KCNH8: variants seen among roughly 807,000 people sequenced by gnomAD.
KCNH8 encodes the protein potassium voltage-gated channel subfamily H member 8.
In KCNH8, 70 loss-of-function variants were observed where a neutral mutation model predicts 103.6. The ratio of observed to expected loss-of-function variants is 0.68; its 90% CI spans 0.56 to 0.82. The LOEUF (loss-of-function observed/expected upper bound fraction) is 0.82, where lower values mean the gene tolerates loss of function less well. Among genes scored for constraint, KCNH8 ranks in the 40% least tolerant of loss-of-function variants. KCNH8 has a pLI of 0.00. For missense variants in KCNH8, 1,217 were observed against 1,329.9 expected, an observed-to-expected ratio of 0.92 and a Z score of 1.32; for synonymous variants, 498 against 489.4, an observed-to-expected ratio of 1.02 and a Z score of -0.23.
chr3:19,257,941 G>A (rs2064367404), intron 2 of KCNH8, among the ~76,000 whole-genome samples: 1 of 151,924 alleles, frequency 6.6e-6, no homozygotes, highest in Non-Finnish European at 1.5e-5. Flanking sequence ...GAAACCTTTG[G>A]TGATCCTTGG....
chr3:19,263,422 T>C (rs1051087497), intron 2 of KCNH8, among the ~76,000 whole-genome samples: 12 of 152,218 alleles, frequency 7.9e-5, no homozygotes, highest in African/African-American at 2.6e-4. Context: ...GACTAATTCT[T>C]CTTCCATGTG....
At chr3:19,492,164 A>G (rs1436785386) in intron 11 of KCNH8, among the ~76,000 whole-genome samples, 1 of 152,044 alleles carries the variant, frequency 6.6e-6, no homozygotes, top group Non-Finnish European at 1.5e-5. Flanking sequence ...GTTATGCAGA[A>G]GCTCTTTAGT....
intron 11 of KCNH8, among the ~76,000 whole-genome samples, chr3:19,496,834 G>A (rs1310975024): frequency 6.6e-6 from 1 of 151,938 alleles, no homozygotes; most frequent in Non-Finnish European, 1.5e-5. Flanking sequence ...ACCTGTTTTT[G>A]GTTGGTTGGC....
At chr3:19,505,089 A>G (rs958965538) in intron 11 of KCNH8, among the ~76,000 whole-genome samples, 148 of 151,502 alleles carry the variant, frequency 9.8e-4, no homozygotes, top group African/African-American at 3.4e-3. Context: ...ATAGATACAC[A>G]CACACACACA....
chr3:19,329,646 A>G (rs879135053), intron 3 of KCNH8, among the ~76,000 whole-genome samples: 26 of 152,138 alleles, frequency 1.7e-4, no homozygotes, highest in African/African-American at 5.8e-4. Flanking sequence ...CCGATCTACA[A>G]CTGGAAGATA....
intron 1 of KCNH8, among the ~76,000 whole-genome samples, chr3:19,153,028 C>G (rs965250159): frequency 2.0e-5 from 3 of 151,600 alleles, no homozygotes; most frequent in Non-Finnish European, 4.4e-5. Flanking sequence ...TTCTTTTTAT[C>G]TTTTTGCTTT....
chr3:19,304,186 C>T (rs1403037462), intron 3 of KCNH8, among the ~76,000 whole-genome samples: 1 of 152,090 alleles, frequency 6.6e-6, no homozygotes, highest in Non-Finnish European at 1.5e-5. Context: ...CTGGACAGCC[C>T]ATGAGAAAAA....
intron 15 of KCNH8, among the ~76,000 whole-genome samples, chr3:19,523,469 TAAATTATACTGAGGTAAC>T (rs2069007847): frequency 1.3e-5 from 2 of 152,096 alleles, no homozygotes; most frequent in African/African-American, 4.8e-5. Flanking sequence ...TGTTATAAGA[TAAATTATACTGAGGTAAC>T]AAACTCCAAA....
intron 1 of KCNH8, among the ~76,000 whole-genome samples, chr3:19,183,213 A>G (rs1452127823): frequency 1.3e-5 from 2 of 152,210 alleles, no homozygotes; most frequent in East Asian, 3.8e-4. Context: ...AGGAAATGAG[A>G]TATGTAATTA....
At chr3:19,519,324 G>A (rs956955256) in intron 15 of KCNH8, among the ~76,000 whole-genome samples, 2 of 151,826 alleles carry the variant, frequency 1.3e-5, no homozygotes, top group Admixed American at 1.3e-4. Flanking sequence ...GTAATCACGT[G>A]ATGGTATTGA....
At chr3:19,332,776 G>C (rs1475873183) in intron 3 of KCNH8, among the ~76,000 whole-genome samples, 1 of 151,998 alleles carries the variant, frequency 6.6e-6, no homozygotes, top group Non-Finnish European at 1.5e-5. Flanking sequence ...GGGATTACAG[G>C]TGCACGCCAC....
Position 19,342,693 on chromosome 3 carries a change from G to C in KCNH8, c.549G>C (p.Lys183Asn), listed in dbSNP as rs139868334. 72 of 1,608,680 alleles carry C rather than the reference G, an allele frequency of 4.5e-5. No homozygotes were observed. The highest frequency in any genetic ancestry group is 6.0e-5 in the Non-Finnish European group (71 of 1,176,422). The change falls in exon 4 of 16, where the codon AAG (lysine) becomes AAC (asparagine). Residue 183 changes from lysine to asparagine, a missense_variant. This residue lies in a region of KCNH8 where 244 missense variants were observed against 256.8 expected (regional missense o/e 0.95). Coordinates refer to ENST00000328405, the MANE Select transcript of KCNH8 (RefSeq NM_144633.3). ...HISGHLQRREKNKLKINNNVF... is the reference protein window; with the variant it reads ...HISGHLQRRENNKLKINNNVF... ...CTGGGCACCTGCAAAGAAGAGAAAA[G>C]AACAAATTGAAAATAAATAACGTAG...
intron 7 of KCNH8, among the ~76,000 whole-genome samples, chr3:19,422,177 G>A (rs1463418546): frequency 2.0e-5 from 3 of 152,020 alleles, no homozygotes; most frequent in Non-Finnish European, 4.4e-5. Flanking sequence ...ATATGATACT[G>A]ATGTCTTGCA....
At chr3:19,237,021 G>A (rs962707175) in intron 1 of KCNH8, among the ~76,000 whole-genome samples, 1 of 152,188 alleles carries the variant, frequency 6.6e-6, no homozygotes, top group Non-Finnish European at 1.5e-5. Flanking sequence ...ATGAGATTGT[G>A]GGAGGTAAAT....
Position 19,305,215 on chromosome 3 carries a change from G to A in KCNH8, c.442+23886G>A, listed in dbSNP as rs2125292472. 3.3e-5 allele frequency among the ~76,000 whole-genome samples: 5 copies of A among 152,192 alleles called. 1 individual carries two copies. In the South Asian group the frequency reaches 1.0e-3, roughly 32 times the overall value. On this transcript the variant is annotated intron_variant, in intron 3 of 15. Coordinates refer to ENST00000328405, the MANE Select transcript of KCNH8 (RefSeq NM_144633.3). Reference sequence around the variant, plus strand: ...GAGCAATGTCTTAAAAATTCTAAATGAGTATGGCTTCCAACCCAGAATCTA... The same window carrying A: ...GAGCAATGTCTTAAAAATTCTAAATAAGTATGGCTTCCAACCCAGAATCTA...
intron 7 of KCNH8, among the ~76,000 whole-genome samples, chr3:19,404,903 C>T (rs1389519890): frequency 1.3e-5 from 2 of 151,624 alleles, no homozygotes; most frequent in African/African-American, 4.8e-5. Flanking sequence ...CTTCATTTTT[C>T]TTCTGTTGAC....
intron 7 of KCNH8, among the ~76,000 whole-genome samples, chr3:19,430,486 G>A (rs1409759155): frequency 2.0e-5 from 3 of 151,820 alleles, no homozygotes; most frequent in African/African-American, 7.3e-5. Flanking sequence ...GGTTCCATAT[G>A]AATTTAAAAA....
chr3:19,195,167 A>T (rs1167986961), intron 1 of KCNH8, among the ~76,000 whole-genome samples: 1 of 151,820 alleles, frequency 6.6e-6, no homozygotes, highest in African/African-American at 2.4e-5. Context: ...GAGGCTTGCC[A>T]GGAGTCTCAT....
At chr3:19,309,403 A>G (rs1045653163) in intron 3 of KCNH8, among the ~76,000 whole-genome samples, 9 of 152,024 alleles carry the variant, frequency 5.9e-5, no homozygotes, top group African/African-American at 2.2e-4. Context: ...CAGAAAGCAC[A>G]TCTTCATAGG....
Sources: allele counts gnomAD v4.1 joint callset (sites outside exome capture counted in the v4.1 genomes callset), GRCh38; gene constraint gnomAD v4.1.1; regional missense constraint gnomAD v4.1.1; transcripts MANE v1.5; gene names NCBI Gene and HGNC (gene_info 2026-07-23, HGNC 2026-07-21).